The following ZNF560 variants were observed in gnomAD, a reference collection of about 807,000 sequenced individuals.
The protein encoded by ZNF560 is zinc finger protein 560.
In ZNF560, 54 loss-of-function variants were observed where a neutral mutation model predicts 81.8. The observed-to-expected ratio is 0.66, with a 90% CI of 0.53 to 0.83. The LOEUF (loss-of-function observed/expected upper bound fraction) is 0.83. Among genes scored for constraint, ZNF560 ranks in the 40% least tolerant of loss-of-function variants. ZNF560 has a pLI of 0.00. For missense variants in ZNF560, 940 were observed against 932.4 expected (o/e 1.01, Z -0.11); for synonymous variants, 321 against 317.9 (o/e 1.01, Z -0.10).
At chr19:9,502,280 C>T (rs994787686), upstream of ZNF560, among the ~76,000 whole-genome samples, 12 of 152,042 alleles carry the variant, frequency 7.9e-5, no homozygotes, top group African/African-American at 7.2e-5. Flanking sequence ...GGCGCAATGT[C>T]GGCTCACTGC....
rs762181644 is a variant in ZNF560, at chr19:9,466,895, A to G, written c.2052T>C (p.Ser684=). 11 of 1,614,016 alleles carry G rather than the reference A, an allele frequency of 6.8e-6. No homozygotes were observed. The East Asian group carries it at 8.9e-5, about 13-fold the overall frequency. The change falls in exon 10 of 10, where the codon TCT becomes TCC. Residue 684 remains serine (S), a synonymous_variant. Transcript: ENST00000301480. ...HLKTHAAEKT[S]ECNACGNSFR... is the part of the protein sequence containing the mutation. ...AGGAATTTCCACATGCGTTACATTC[A>G]GAGGTCTTCTCTGCTGCATGAGTTT...
At position 9,466,683 on chromosome 19, in the gene ZNF560, C is replaced by T. The variant is rs529704393; in HGVS notation, c.2264G>A (p.Arg755His). The change falls in exon 10 of 10, where the codon CGT becomes CAT. Residue 755 changes from arginine to histidine, a missense_variant. Arg to His is a conservative substitution (Grantham distance 29). Coordinates refer to ENST00000301480, the MANE Select transcript of ZNF560 (RefSeq NM_152476.3). ...CATATGAGTTCTTAAATGTTGAATA[C>T]GTCCTGAGGATGTACGGAAGGCCTT... ...CGKAFRTSSG[R>H]IQHLRTHMGE... 29 of 1,613,894 alleles carry T rather than the reference C, an allele frequency of 1.8e-5. No individual in the cohort carries two copies. The highest frequency in any genetic ancestry group is 2.3e-5 in the Non-Finnish European group (27 of 1,179,936).
intron 2 of ZNF560, among the ~76,000 whole-genome samples, chr19:9,493,723 A>G (rs945439458): frequency 1.3e-5 from 2 of 152,202 alleles, no homozygotes; most frequent in Admixed American, 6.5e-5. Flanking sequence ...TAAACCAATC[A>G]TTCACTTCTG....
At chr19:9,485,971 C>T (rs2073378151) in intron 2 of ZNF560, among the ~76,000 whole-genome samples, 1 of 152,204 alleles carries the variant, frequency 6.6e-6, no homozygotes, top group Non-Finnish European at 1.5e-5. Context: ...TCTGCCATAA[C>T]CCATGGAGCT....
chr19:9,477,467 G>A (rs1480946877), intron 2 of ZNF560, among the ~76,000 whole-genome samples: 2 of 152,098 alleles, frequency 1.3e-5, no homozygotes, highest in Admixed American at 6.6e-5. Context: ...TTCTACTTTT[G>A]ACTATAAAGA....
upstream of ZNF560, among the ~76,000 whole-genome samples, chr19:9,499,318 G>A (rs1337658039): frequency 1.3e-5 from 2 of 151,956 alleles, no homozygotes; most frequent in Admixed American, 6.6e-5. Flanking sequence ...GGGACCACGG[G>A]CGCACCGCAC....
chr19:9,470,636 A>C (rs1599652670), intron 6 of ZNF560, 118 bp from the exon 7 acceptor site: 1 of 1,410,702 alleles, frequency 7.1e-7, no homozygotes, highest in South Asian at 1.2e-5. Flanking sequence ...CACTATCTAC[A>C]CCCCAAGGTT....
chr19:9,483,868 G>A (rs9967613), intron 2 of ZNF560, among the ~76,000 whole-genome samples: 22,953 of 139,436 alleles, frequency 0.16, 2,553 homozygotes, highest in African/African-American at 0.33. Flanking sequence ...AAATGTGGGG[G>A]AAAGATAGAG....
chr19:9,458,423 C>T, the ZNF560 span, among the ~76,000 whole-genome samples: 4 of 152,256 alleles, frequency 2.6e-5, no homozygotes, highest in Non-Finnish European at 5.9e-5. Context: ...ACGCCCTATA[C>T]TTCAGCTCAA....
the ZNF560 span, among the ~76,000 whole-genome samples, chr19:9,503,824 C>T: frequency 6.6e-6 from 1 of 152,208 alleles, no homozygotes. Context: ...AGGCATGAGT[C>T]ATTGTGCCCA....
At chr19:9,494,239 G>GA (rs1231465995) in intron 2 of ZNF560, among the ~76,000 whole-genome samples, 1 of 151,910 alleles carries the variant, frequency 6.6e-6, no homozygotes, top group Non-Finnish European at 1.5e-5. Flanking sequence ...TGGAAATGCA[G>GA]ACTTAACCAT....
intron 2 of ZNF560, among the ~76,000 whole-genome samples, chr19:9,480,272 G>A (rs2073266168): frequency 6.6e-6 from 1 of 152,102 alleles, no homozygotes; most frequent in African/African-American, 2.4e-5. Context: ...AATTTAAGAA[G>A]CTTAAAATCA....
At chr19:9,464,158 T>C (rs1029181529), downstream of ZNF560, among the ~76,000 whole-genome samples, 1 of 152,224 alleles carries the variant, frequency 6.6e-6, no homozygotes, top group African/African-American at 2.4e-5. Flanking sequence ...TGTGCGTGTG[T>C]GTGTATTCCA....
In ZNF560 at chr19:9,475,265, G is replaced by GT; in HGVS notation, c.30+18dup. ...GATGCAAGTATGTCATTTTGTGGAA[G>GT]TATACATTTTCTGCATACCTGATAA... On this transcript the variant is annotated intron_variant, in intron 3 of 9. Transcript: ENST00000301480. 6.2e-7 allele frequency: 1 copy of GT among 1,613,050 alleles called. No individual in the cohort carries two copies.
At chr19:9,455,242 G>A in the ZNF560 span, among the ~76,000 whole-genome samples, 3 of 152,174 alleles carry the variant, frequency 2.0e-5, no homozygotes, top group African/African-American at 7.2e-5. Context: ...AATCAGTATG[G>A]ACCACGTTCT....
chr19:9,493,127 TAC>T (rs577972489), intron 2 of ZNF560, among the ~76,000 whole-genome samples: 53 of 152,238 alleles, frequency 3.5e-4, no homozygotes, highest in African/African-American at 1.1e-3. Flanking sequence ...AGCACTTCCA[TAC>T]CACTTAGAAA....
chr19:9,447,133 CAAA>C, the ZNF560 span, among the ~76,000 whole-genome samples: 3 of 80,856 alleles, frequency 3.7e-5, no homozygotes, highest in African/African-American at 3.8e-5. Flanking sequence ...GACTCCGTCA[CAAA>C]AAAAAAAAAA....
chr19:9,480,116 C>T (rs914103317), intron 2 of ZNF560, among the ~76,000 whole-genome samples: 4 of 152,062 alleles, frequency 2.6e-5, no homozygotes, highest in African/African-American at 9.7e-5. Context: ...CACTTTAGAC[C>T]AAAACAATCT....
chr19:9,479,409 C>T (rs916568884), intron 2 of ZNF560, among the ~76,000 whole-genome samples: 5 of 152,152 alleles, frequency 3.3e-5, no homozygotes, highest in South Asian at 4.1e-4. Context: ...GGAAAAAACA[C>T]TCCACACAGA....
Sources: allele counts gnomAD v4.1 joint callset (sites outside exome capture counted in the v4.1 genomes callset), GRCh38; gene constraint gnomAD v4.1.1; transcripts MANE v1.5; gene names NCBI Gene and HGNC (gene_info 2026-07-23, HGNC 2026-07-21).